SLC14A2: variants seen among roughly 807,000 people sequenced by gnomAD.
SLC14A2 encodes the protein solute carrier family 14 member 2.
A neutral mutation model predicts 104.6 loss-of-function variants in SLC14A2; 91 were observed. The observed-to-expected ratio is 0.87, with a 90% CI of 0.73 to 1.04. The LOEUF (loss-of-function observed/expected upper bound fraction) is 1.04. SLC14A2 is among the 50% of genes least tolerant of loss of function. The pLI is 0.00. For missense variants in SLC14A2, 1,189 were observed against 1,156.0 expected (o/e 1.03, Z -0.41); for synonymous variants, 476 against 466.4 (o/e 1.02, Z -0.27).
At chr18:45,401,087 T>C (rs1176310008) in intron 1 of SLC14A2, among the ~76,000 whole-genome samples, 1 of 152,172 alleles carries the variant, frequency 6.6e-6, no homozygotes, top group Non-Finnish European at 1.5e-5. Context: ...CTCTAGGGTG[T>C]TGCTGCTTGG....
chr18:45,182,926 A>C, the SLC14A2 span, among the ~76,000 whole-genome samples: 6 of 152,206 alleles, frequency 3.9e-5, no homozygotes, highest in South Asian at 8.3e-4. Context: ...CAGATTGCCA[A>C]GAAATTTTTT....
intron 1 of SLC14A2, among the ~76,000 whole-genome samples, chr18:45,409,242 A>G (rs960964721): frequency 6.6e-6 from 1 of 152,194 alleles, no homozygotes; most frequent in East Asian, 1.9e-4. Flanking sequence ...AGGAGCTGTT[A>G]TGAGTACTAA....
rs75472579 is a variant in SLC14A2, at chr18:45,314,064, A to G, written c.-125+100873A>G. Among the ~76,000 whole-genome samples the G allele has an allele frequency of 1.5e-4, 23 of 152,344 alleles. No homozygotes were observed. The East Asian group carries it at 4.4e-3, about 29-fold the overall frequency. ...TTCCAGTGACAAGCACAGGCCTGAC[A>G]CAGTGTGTCTTGAATATGTGCCGGA... On this transcript the variant is annotated intron_variant, in intron 1 of 20. Coordinates refer to the SLC14A2 transcript ENST00000586448.
chr18:45,591,129 G>T (rs137938857), intron 2 of SLC14A2, among the ~76,000 whole-genome samples: 1 of 152,104 alleles, frequency 6.6e-6, no homozygotes, highest in Non-Finnish European at 1.5e-5. Flanking sequence ...CCCATTGGAG[G>T]TGTATTTTTT....
chr18:45,354,825 A>G (rs1414992090), intron 1 of SLC14A2, among the ~76,000 whole-genome samples: 4 of 152,186 alleles, frequency 2.6e-5, no homozygotes, highest in African/African-American at 7.2e-5. Context: ...TCAACCTCCA[A>G]ATGACCTCTG....
chr18:45,351,138 A>T (rs572116807), intron 1 of SLC14A2, among the ~76,000 whole-genome samples: 3 of 152,186 alleles, frequency 2.0e-5, no homozygotes, highest in South Asian at 2.1e-4. Flanking sequence ...TTAGTCTTTT[A>T]TTCTGGTACC....
At chr18:45,576,272 C>CTTTTTTT (rs776335445) in intron 2 of SLC14A2, among the ~76,000 whole-genome samples, 8 of 90,678 alleles carry the variant, frequency 8.8e-5, no homozygotes, top group Non-Finnish European at 1.5e-4. Flanking sequence ...GGAGCAGGGG[C>CTTTTTTT]TTTTTTTTTT....
At chr18:45,374,671 A>C (rs1738680009) in intron 1 of SLC14A2, among the ~76,000 whole-genome samples, 1 of 152,188 alleles carries the variant, frequency 6.6e-6, no homozygotes, top group African/African-American at 2.4e-5. Context: ...TCAGCTGCTG[A>C]AAACTTCAGT....
At chr18:45,485,440 G>C (rs572991818) in intron 2 of SLC14A2, 2 of 152,244 alleles carry the variant, frequency 1.3e-5, no homozygotes, top group African/African-American at 4.8e-5. Context: ...CAGCCTAATT[G>C]CACCTGGGTT....
At chr18:45,312,917 C>A (rs2076001423) in intron 1 of SLC14A2, among the ~76,000 whole-genome samples, 2 of 152,158 alleles carry the variant, frequency 1.3e-5, no homozygotes, top group South Asian at 4.1e-4. Context: ...GTTCTTGCCC[C>A]AAGACCAAAG....
chr18:45,237,745 A>G (rs915403499), intron 1 of SLC14A2, among the ~76,000 whole-genome samples: 7 of 152,196 alleles, frequency 4.6e-5, no homozygotes, highest in South Asian at 2.1e-4. Context: ...GAGGCAAAAG[A>G]TGATTCTCCT....
intron 2 of SLC14A2, among the ~76,000 whole-genome samples, chr18:45,598,594 A>T (rs2044746263): frequency 6.6e-6 from 1 of 152,222 alleles, no homozygotes; most frequent in Non-Finnish European, 1.5e-5. Context: ...TGATTTTAAA[A>T]AGGCATTTTT....
intron 2 of SLC14A2, among the ~76,000 whole-genome samples, chr18:45,552,285 C>T (rs1240505478): frequency 6.6e-6 from 1 of 152,206 alleles, no homozygotes; most frequent in Admixed American, 6.5e-5. Context: ...GTTTGAGTGA[C>T]TGAGCCTCAG....
the SLC14A2 span, among the ~76,000 whole-genome samples, chr18:45,197,808 A>G: frequency 2.6e-4 from 40 of 152,338 alleles, no homozygotes; most frequent in Non-Finnish European, 4.6e-4. Flanking sequence ...GAAATTATTC[A>G]GAGCTACTCA....
At chr18:45,310,983 G>T (rs1042689386) in intron 1 of SLC14A2, among the ~76,000 whole-genome samples, 1 of 152,210 alleles carries the variant, frequency 6.6e-6, no homozygotes, top group Non-Finnish European at 1.5e-5. Flanking sequence ...AGATCCAGAA[G>T]CTGAGGCCTG....
At position 45,642,339 on chromosome 18, in the gene SLC14A2, A is replaced by C. The variant is rs545822406; in HGVS notation, c.1127-793A>C. Among the ~76,000 whole-genome samples, 46 of 152,318 alleles carry C rather than the reference A, an allele frequency of 3.0e-4. No homozygotes were observed. The South Asian group carries it at 9.3e-3, about 31-fold the overall frequency. On this transcript the variant is annotated intron_variant, in intron 8 of 19. Transcript: ENST00000255226. ...GACCTAGTAAATATTTGTCAAGTTAAAAGTGCCTGTTATTTTGAGGTTCAG... is the reference window on the plus strand; with the variant it reads ...GACCTAGTAAATATTTGTCAAGTTACAAGTGCCTGTTATTTTGAGGTTCAG...
the SLC14A2 span, among the ~76,000 whole-genome samples, chr18:45,175,771 G>C: frequency 2.0e-5 from 3 of 152,128 alleles, no homozygotes; most frequent in Non-Finnish European, 4.4e-5. Context: ...CTGCTGTAAA[G>C]GGTGCTGACA....
intron 2 of SLC14A2, among the ~76,000 whole-genome samples, chr18:45,570,396 A>C (rs2044327472): frequency 6.6e-6 from 1 of 152,186 alleles, no homozygotes; most frequent in Non-Finnish European, 1.5e-5. Context: ...TAGATCTTAA[A>C]GCACCCTCCT....
intron 13 of SLC14A2, 104 bp downstream of exon 13, chr18:45,667,198 A>C (rs1019256347): frequency 8.9e-6 from 7 of 789,656 alleles, no homozygotes; most frequent in Non-Finnish European, 1.2e-5. Context: ...CTAGACTTAG[A>C]CTAGACTGCA....
Sources: allele counts gnomAD v4.1 joint callset (sites outside exome capture counted in the v4.1 genomes callset), GRCh38; gene constraint gnomAD v4.1.1; transcripts MANE v1.5; gene names NCBI Gene and HGNC (gene_info 2026-07-23, HGNC 2026-07-21).